Variants in ENOX2 observed in about 807,000 individuals in gnomAD.
The protein encoded by ENOX2 is APK1 antigen.
Under a neutral mutation model 45.0 loss-of-function variants are expected in ENOX2, and 36 were observed. That is an observed-to-expected ratio of 0.80 (90% CI 0.61 to 1.06). ENOX2 has a LOEUF of 1.06. ENOX2 is among the 50% of genes least tolerant of loss of function. The pLI is 0.00. For missense variants in ENOX2, 423 were observed against 462.5 expected (o/e 0.91, Z 0.78); for synonymous variants, 174 against 152.3 (o/e 1.14, Z -1.05).
chrX:130,739,668 T>C (rs2038936419), intron 3 of ENOX2, among the ~76,000 whole-genome samples: 2 of 112,451 alleles, frequency 1.8e-5, no homozygotes, highest in Admixed American at 1.9e-4. Flanking sequence ...GGTATTACTA[T>C]CGCCATCTAC....
chrX:130,902,771 G>C (rs190469654), intron 1 of ENOX2, among the ~76,000 whole-genome samples: 2 of 104,650 alleles, frequency 1.9e-5, no homozygotes, highest in Non-Finnish European at 3.9e-5. Context: ...AGGGGGAGGG[G>C]GGCGGCGTCG....
intron 2 of ENOX2, among the ~76,000 whole-genome samples, chrX:130,794,767 G>A (rs895829193): frequency 8.9e-6 from 1 of 112,335 alleles, no homozygotes; most frequent in Non-Finnish European, 1.9e-5. Flanking sequence ...TGCACCGCAT[G>A]AATAACATTT....
chrX:130,849,695 T>C (rs768020999), intron 2 of ENOX2, among the ~76,000 whole-genome samples: 2 of 112,219 alleles, frequency 1.8e-5, no homozygotes, highest in African/African-American at 6.5e-5. Flanking sequence ...AAGATTTAGG[T>C]TTTAGTTCTA....
chrX:130,882,688 G>A (rs748622003), intron 2 of ENOX2, among the ~76,000 whole-genome samples: 1 of 112,123 alleles, frequency 8.9e-6, no homozygotes, highest in Non-Finnish European at 1.9e-5. Context: ...GACTACCAAC[G>A]ATGGGGGTTG....
intron 3 of ENOX2, among the ~76,000 whole-genome samples, chrX:130,741,234 C>T (rs2038975328): frequency 9.0e-6 from 1 of 111,564 alleles, no homozygotes; most frequent in African/African-American, 3.3e-5. Context: ...TTTGATGCTG[C>T]AGGACCGTCA....
At chrX:130,880,683 T>C (rs998472263) in intron 2 of ENOX2, among the ~76,000 whole-genome samples, 1 of 111,702 alleles carries the variant, frequency 9.0e-6, no homozygotes, top group Admixed American at 9.5e-5. Flanking sequence ...CTAAAATGTA[T>C]AAAAGTGTCT....
chrX:130,659,386 ACT>A (rs1454456161), intron 9 of ENOX2, among the ~76,000 whole-genome samples: 1 of 111,839 alleles, frequency 8.9e-6, no homozygotes, highest in African/African-American at 3.3e-5. Flanking sequence ...GCTAACATAG[ACT>A]CTCCCATGTG....
At chrX:130,805,854 G>A (rs934818568) in intron 2 of ENOX2, among the ~76,000 whole-genome samples, 1 of 111,876 alleles carries the variant, frequency 8.9e-6, no homozygotes, top group African/African-American at 3.3e-5. Context: ...GATTGTTCCT[G>A]CTCGCAGCTG....
chrX:130,714,872 G>A (rs2038287130), intron 3 of ENOX2, among the ~76,000 whole-genome samples: 1 of 111,402 alleles, frequency 9.0e-6, no homozygotes, highest in South Asian at 3.8e-4. Context: ...GGTGGAGGAG[G>A]GAGGGGAGCA....
At chrX:130,643,930 T>C (rs762166727) in intron 10 of ENOX2, among the ~76,000 whole-genome samples, 1 of 111,679 alleles carries the variant, frequency 9.0e-6, no homozygotes, top group South Asian at 3.7e-4. Flanking sequence ...AGAGACCACA[T>C]TATGGGCCAT....
intron 4 of ENOX2, among the ~76,000 whole-genome samples, chrX:130,691,236 T>C (rs142806401): frequency 5.2e-4 from 58 of 111,877 alleles, no homozygotes; most frequent in Non-Finnish European, 9.8e-4. Flanking sequence ...GGGTAAATAA[T>C]GGCATTTAGC....
chrX:130,827,126 G>A (rs942635219), intron 2 of ENOX2, among the ~76,000 whole-genome samples: 4 of 112,046 alleles, frequency 3.6e-5, no homozygotes, highest in Non-Finnish European at 7.5e-5. Context: ...AGTAATCAAC[G>A]AGCAAAAGCA....
At chrX:130,783,762 G>T in intron 2 of ENOX2, 72 bp from the exon 3 acceptor site, 1 of 229,365 alleles carries the variant, frequency 4.4e-6, no homozygotes, top group Non-Finnish European at 8.1e-6. Flanking sequence ...TTTATTATAT[G>T]AGCCACTAGT....
At chrX:130,855,418 G>A (rs764602790) in intron 2 of ENOX2, among the ~76,000 whole-genome samples, 1 of 111,509 alleles carries the variant, frequency 9.0e-6, no homozygotes, top group Non-Finnish European at 1.9e-5. Context: ...CTACAATAAC[G>A]ATGAAAAATA....
intron 3 of ENOX2, among the ~76,000 whole-genome samples, chrX:130,747,911 G>C (rs112242634): frequency 8.9e-6 from 1 of 112,299 alleles, no homozygotes; most frequent in African/African-American, 3.2e-5. Context: ...TCAGATTTTA[G>C]CTGAGGCTGT....
intron 3 of ENOX2, among the ~76,000 whole-genome samples, chrX:130,731,607 T>A (rs1278000842): frequency 9.0e-6 from 1 of 111,688 alleles, no homozygotes; most frequent in Non-Finnish European, 1.9e-5. Context: ...TCAACAAATT[T>A]AACAAATACT....
At chrX:130,699,248 C>T (rs1205481550) in intron 4 of ENOX2, among the ~76,000 whole-genome samples, 2 of 112,068 alleles carry the variant, frequency 1.8e-5, no homozygotes, top group African/African-American at 6.5e-5. Context: ...CCACACCAAA[C>T]CTCAGAGATA....
intron 5 of ENOX2, among the ~76,000 whole-genome samples, chrX:130,688,144 T>C (rs2037495246): frequency 8.9e-6 from 1 of 112,274 alleles, no homozygotes; most frequent in Non-Finnish European, 1.9e-5. Flanking sequence ...TTCTAATCAC[T>C]GAATGTATAT....
intron 2 of ENOX2, among the ~76,000 whole-genome samples, chrX:130,803,974 C>T (rs376355774): frequency 9.0e-6 from 1 of 110,945 alleles, no homozygotes; most frequent in East Asian, 2.8e-4. Flanking sequence ...TCATATGGAC[C>T]CCAAACCTCT....
Sources: allele counts gnomAD v4.1 joint callset (sites outside exome capture counted in the v4.1 genomes callset), GRCh38; gene constraint gnomAD v4.1.1; transcripts MANE v1.5; gene names NCBI Gene and HGNC (gene_info 2026-07-23, HGNC 2026-07-21).